KHDRBS2: variants seen among roughly 807,000 people sequenced by gnomAD.
The protein encoded by KHDRBS2 is KH domain-containing, RNA-binding, signal transduction-associated protein 2.
In KHDRBS2, 26 loss-of-function variants were observed where a neutral mutation model predicts 44.3. The ratio of observed to expected loss-of-function variants is 0.59; its 90% confidence interval spans 0.43 to 0.81. The LOEUF (loss-of-function observed/expected upper bound fraction) is 0.81, where lower values mean the gene tolerates loss of function less well. Among genes scored for constraint, KHDRBS2 ranks in the 40% least tolerant of loss-of-function variants. The pLI is 0.00. For synonymous variants in KHDRBS2, 194 were observed against 151.1 expected (o/e 1.28, Z -2.08); for missense variants, 476 against 433.1 (o/e 1.10, Z -0.88).
At chr6:61,557,847 A>G in the KHDRBS2 span, among the ~76,000 whole-genome samples, 1 of 152,130 alleles carries the variant, frequency 6.6e-6, no homozygotes, top group South Asian at 2.1e-4. Context: ...GGTTTTGCAT[A>G]TCCTCATGGT....
At chr6:62,034,693 G>GAAAAAAA (rs1171214560) in intron 3 of KHDRBS2, among the ~76,000 whole-genome samples, 104 of 60,590 alleles carry the variant, frequency 1.7e-3, no homozygotes, top group Non-Finnish European at 2.4e-3. Flanking sequence ...ATTCTGAACA[G>GAAAAAAA]AAAAAAAAAA....
At chr6:61,675,436 C>G (rs1427299735), downstream of KHDRBS2, among the ~76,000 whole-genome samples, 1 of 150,148 alleles carries the variant, frequency 6.7e-6, no homozygotes, top group Non-Finnish European at 1.5e-5. Flanking sequence ...CTAAATATTA[C>G]ACTAAATATT....
At chr6:61,984,794 A>G (rs1443600291) in intron 3 of KHDRBS2, among the ~76,000 whole-genome samples, 1 of 152,214 alleles carries the variant, frequency 6.6e-6, no homozygotes, top group Non-Finnish European at 1.5e-5. Flanking sequence ...CAAGCCTCCA[A>G]CTGGACCCAA....
intron 8 of KHDRBS2, among the ~76,000 whole-genome samples, chr6:61,689,595 C>G (rs1767175777): frequency 6.6e-6 from 1 of 152,030 alleles, no homozygotes; most frequent in East Asian, 2.0e-4. Context: ...CCTATCTGTG[C>G]CAGAACTTCT....
At chr6:62,193,850 A>G (rs1825091310) in intron 1 of KHDRBS2, among the ~76,000 whole-genome samples, 1 of 152,108 alleles carries the variant, frequency 6.6e-6, no homozygotes, top group Non-Finnish European at 1.5e-5. Context: ...ACATATTAAC[A>G]TTATCATTGT....
intron 3 of KHDRBS2, among the ~76,000 whole-genome samples, chr6:62,022,131 G>A (rs946784910): frequency 4.0e-5 from 6 of 151,264 alleles, no homozygotes; most frequent in African/African-American, 7.3e-5. Context: ...AACATTGAAA[G>A]TAGATTATCC....
the KHDRBS2 span, among the ~76,000 whole-genome samples, chr6:61,625,593 C>T: frequency 6.6e-6 from 1 of 152,016 alleles, no homozygotes; most frequent in South Asian, 2.1e-4. Flanking sequence ...CCTGACACAG[C>T]ACTAAGCTGA....
At chr6:61,741,207 C>T (rs1776088832) in intron 6 of KHDRBS2, among the ~76,000 whole-genome samples, 1 of 151,542 alleles carries the variant, frequency 6.6e-6, no homozygotes, top group African/African-American at 2.4e-5. Flanking sequence ...ACATGCATTA[C>T]TACCCCATAG....
At chr6:61,685,193 T>G (rs181951345) in intron 8 of KHDRBS2, among the ~76,000 whole-genome samples, 1 of 151,954 alleles carries the variant, frequency 6.6e-6, no homozygotes, top group African/African-American at 2.4e-5. Flanking sequence ...GAAGAGATTT[T>G]CTGAGCAAAT....
At chr6:62,084,102 G>A (rs1797952255) in intron 2 of KHDRBS2, among the ~76,000 whole-genome samples, 2 of 152,100 alleles carry the variant, frequency 1.3e-5, no homozygotes, top group Non-Finnish European at 2.9e-5. Flanking sequence ...ATATAGTCCT[G>A]TGAGGTATAA....
chr6:62,001,978 A>G (rs1357747153), intron 3 of KHDRBS2, among the ~76,000 whole-genome samples: 2 of 152,154 alleles, frequency 1.3e-5, no homozygotes, highest in Non-Finnish European at 2.9e-5. Flanking sequence ...CAAAGGGAAA[A>G]TTAAATTTTA....
At chr6:61,935,768 T>C (rs1238576581) in intron 4 of KHDRBS2, among the ~76,000 whole-genome samples, 1 of 152,102 alleles carries the variant, frequency 6.6e-6, no homozygotes, top group Non-Finnish European at 1.5e-5. Context: ...AATAGTAAGA[T>C]AAAACCCATT....
the KHDRBS2 span, among the ~76,000 whole-genome samples, chr6:61,559,933 TGCTCATTA>T: frequency 1.3e-5 from 2 of 152,212 alleles, no homozygotes; most frequent in African/African-American, 4.8e-5. Flanking sequence ...GATTTCTTAT[TGCTCATTA>T]ACATCCCTTT....
At chr6:61,786,491 GAAAAGCAAAGATC>G (rs1783830028) in intron 6 of KHDRBS2, among the ~76,000 whole-genome samples, 2 of 152,024 alleles carry the variant, frequency 1.3e-5, no homozygotes, top group African/African-American at 2.4e-5. Context: ...GAGAGTGCTA[GAAAAGCAAAGATC>G]AAACAATCTG....
chr6:61,736,046 C>G (rs1251640819), intron 6 of KHDRBS2, among the ~76,000 whole-genome samples: 3 of 149,912 alleles, frequency 2.0e-5, no homozygotes, highest in Non-Finnish European at 4.4e-5. Flanking sequence ...CTCTTTCAAT[C>G]TAGAGGCTTA....
intron 2 of KHDRBS2, among the ~76,000 whole-genome samples, chr6:62,068,883 A>G (rs573566529): frequency 6.6e-6 from 1 of 151,844 alleles, no homozygotes; most frequent in East Asian, 2.0e-4. Context: ...ATACCAAACC[A>G]TCTTGAATAT....
the KHDRBS2 span, among the ~76,000 whole-genome samples, chr6:61,613,771 T>C: frequency 6.6e-6 from 1 of 150,486 alleles, no homozygotes; most frequent in Non-Finnish European, 1.5e-5. Flanking sequence ...ACTAACCAAT[T>C]GTAAATGGGA....
At chr6:62,278,512 C>T (rs977394280) in intron 1 of KHDRBS2, among the ~76,000 whole-genome samples, 3 of 152,092 alleles carry the variant, frequency 2.0e-5, no homozygotes, top group Non-Finnish European at 4.4e-5. Flanking sequence ...CGTGGTCATG[C>T]TCATTCCTAT....
chr6:62,173,028 G>C, intron 2 of KHDRBS2, among the ~76,000 whole-genome samples: 1 of 151,828 alleles, frequency 6.6e-6, no homozygotes, highest in Non-Finnish European at 1.5e-5. Context: ...CCTAGAGGAA[G>C]TAGAGAAACA....
Sources: gnomAD v4.1 joint callset for allele counts (sites outside exome capture counted in the v4.1 genomes callset) on GRCh38, gnomAD v4.1.1 for gene constraint, MANE v1.5 for transcripts, NCBI Gene and HGNC (gene_info 2026-07-23, HGNC 2026-07-21) for gene names.